SPTBN1: variants seen among roughly 807,000 people sequenced by gnomAD.
SPTBN1 encodes spectrin beta, non-erythrocytic 1, also known as spectrin beta chain, non-erythrocytic 1.
SPTBN1 carries 32 observed loss-of-function variants against 266.4 expected under a neutral mutation model. The ratio of observed to expected loss-of-function variants is 0.12; its 90% CI spans 0.09 to 0.16. The LOEUF is 0.16. SPTBN1 is among the 10% of genes least tolerant of loss of function. SPTBN1 has a pLI of 1.00. For missense variants in SPTBN1, 2,296 were observed against 3,067.1 expected (o/e 0.75, Z 5.94); for synonymous variants, 1,336 against 1,162.2 (o/e 1.15, Z -3.04).
At chr2:54,625,021 A>G in intron 11 of SPTBN1, 59 bp downstream of exon 11, 1 of 1,514,742 alleles carries the variant, frequency 6.6e-7, no homozygotes, top group Non-Finnish European at 8.8e-7. Context: ...AACACAGACC[A>G]TCCCCAGGGG....
At chr2:54,531,206 A>G (rs1382794631) in intron 2 of SPTBN1, among the ~76,000 whole-genome samples, 2 of 152,140 alleles carry the variant, frequency 1.3e-5, no homozygotes, top group Non-Finnish European at 2.9e-5. Context: ...GAACCCCTGA[A>G]TTTACAGCCT....
rs1168376491 is a variant in SPTBN1, at chr2:54,492,629, A to G, written c.-47-33743A>G. 5.3e-5 allele frequency among the ~76,000 whole-genome samples: 8 copies of G among 152,244 alleles called. No individual in the cohort carries two copies. The East Asian group carries it at 1.5e-3, about 29-fold the overall frequency. On this transcript the variant is annotated intron_variant, in intron 1 of 35. Coordinates refer to ENST00000356805, the MANE Select transcript of SPTBN1 (RefSeq NM_003128.3). ...TATATGGGGTTTGGTTTTTACTGAA[A>G]AGGTTTGCTTCTGGAACATTTATGT... is the stretch of plus-strand genomic sequence containing the variant.
At chr2:54,599,054 TGTG>T (rs1407579480) in intron 2 of SPTBN1, 35 bp from the exon 3 acceptor site, 1 of 1,608,100 alleles carries the variant, frequency 6.2e-7, no homozygotes. Flanking sequence ...CTGCCAGTTC[TGTG>T]GTCAATGGTA....
Position 54,671,009 on chromosome 2 carries a change from C to A in SPTBN1, c.*2440C>A, listed in dbSNP as rs1163095411. Reference sequence around the variant, plus strand: ...TGTTTTTTGAGGATTTTGCATATTTCTTGTTGCCATAATGCTGTGCTATTT... The same window carrying A: ...TGTTTTTTGAGGATTTTGCATATTTATTGTTGCCATAATGCTGTGCTATTT... On this transcript the variant is annotated 3_prime_UTR_variant, in exon 36 of 36. Coordinates refer to ENST00000356805, the MANE Select transcript of SPTBN1 (RefSeq NM_003128.3). 2.6e-6 allele frequency: 1 copy of A among 390,960 alleles called. No individual in the cohort carries two copies. The highest frequency in any genetic ancestry group is 2.1e-5 in the African/African-American group (1 of 47,232). The allele number at this position is 390,960 out of a possible 1,614,324, so 24.2% of individuals were successfully genotyped here.
At chr2:54,497,971 AAAC>A (rs1669055811) in intron 1 of SPTBN1, among the ~76,000 whole-genome samples, 1 of 152,184 alleles carries the variant, frequency 6.6e-6, no homozygotes, top group South Asian at 2.1e-4. Flanking sequence ...CAAAGGAAAA[AAAC>A]AAGCCCTCCA....
chr2:54,540,175 C>T lies in SPTBN1; in HGVS notation c.148+13609C>T, dbSNP rs1276745200. Among the ~76,000 whole-genome samples, 1 of 152,148 alleles carries T rather than the reference C, an allele frequency of 6.6e-6. No homozygotes were observed. The highest frequency in any genetic ancestry group is 1.5e-5 in the Non-Finnish European group (1 of 68,026). ...AATGGTTGTTGGTTAATCTCCCAGTCTGTGGTATTCTGTTTTAGCAGTCTG... is the reference window on the plus strand; with the variant it reads ...AATGGTTGTTGGTTAATCTCCCAGTTTGTGGTATTCTGTTTTAGCAGTCTG... On this transcript the variant is annotated intron_variant, in intron 2 of 35. Coordinates refer to ENST00000356805, the MANE Select transcript of SPTBN1 (RefSeq NM_003128.3). The surrounding 1 kb of genome is among the most constrained non-coding windows in gnomAD (Gnocchi z 5.6).
In SPTBN1 at chr2:54,631,012, G is replaced by A; in HGVS notation, c.2965G>A (p.Ala989Thr). ...CACCCAGGACCTGGGCAATGACCTG[G>A]CTGGCGTCATGGCCCTGCAGCGCAA... The part of the protein sequence containing the change: ...ESTQDLGNDL[A>T]GVMALQRKLT... Residue 989 changes from alanine to threonine, a missense_variant, in exon 16 of 36, where the codon GCT becomes ACT. Ala to Thr is a moderately conservative substitution (Grantham distance 58, BLOSUM62 0). Around this residue, in one of 12 missense-constraint regions of SPTBN1, gnomAD observed 128 missense variants for 176.5 expected, o/e 0.73. Transcript: ENST00000356805. 1 of 1,614,134 alleles carries A rather than the reference G, an allele frequency of 6.2e-7. No individual in the cohort carries two copies. Among genetic ancestry groups the A allele is most frequent in the Non-Finnish European group, 8.5e-7 (1 of 1,180,000 alleles).
Position 54,668,655 on chromosome 2 carries a change from T to A in SPTBN1, c.*86T>A. ...CTCAGAACCAACACATTACTCTCTGTGCCTAATGTTCCTCAATGTGGTTGA... is the reference window on the plus strand; with the variant it reads ...CTCAGAACCAACACATTACTCTCTGAGCCTAATGTTCCTCAATGTGGTTGA... On this transcript the variant is annotated 3_prime_UTR_variant, in exon 36 of 36. Transcript: ENST00000356805. The A allele has an allele frequency of 8.6e-7, 1 of 1,162,486 alleles. No homozygotes were observed. Among genetic ancestry groups the A allele is most frequent in the Non-Finnish European group, 1.2e-6 (1 of 845,708 alleles). The allele number at this position is 1,162,486 out of a possible 1,614,324, so 72.0% of individuals were successfully genotyped here.
Position 54,646,106 on chromosome 2 carries a change from C to T in SPTBN1, c.4585-88C>T. The T allele has an allele frequency of 6.2e-7, 1 of 1,603,940 alleles. No individual in the cohort carries two copies. Among genetic ancestry groups the T allele is most frequent in the South Asian group, 1.1e-5 (1 of 89,722 alleles). ...AATGGCAGAGAGCTTTGAAGCCTTGCTATTTCTTTCTGGCCCTAACAGCTT... is the reference window on the plus strand; with the variant it reads ...AATGGCAGAGAGCTTTGAAGCCTTGTTATTTCTTTCTGGCCCTAACAGCTT... On this transcript the variant is annotated intron_variant, in intron 22 of 35. Coordinates refer to ENST00000356805, the MANE Select transcript of SPTBN1 (RefSeq NM_003128.3). The surrounding 1 kb of genome is among the most constrained non-coding windows in gnomAD (Gnocchi z 4.4).
chr2:54,612,889 C>T lies in SPTBN1; in HGVS notation c.474+555C>T, dbSNP rs185738774. The stretch of plus-strand genomic sequence containing the variant: ...CTTGTGTTTCTTTGAATTGATGATG[C>T]TTTATGGGTTTTGTTATACTTGAGG... On this transcript the variant is annotated intron_variant, in intron 4 of 35. Coordinates refer to ENST00000356805, the MANE Select transcript of SPTBN1 (RefSeq NM_003128.3). Among the ~76,000 whole-genome samples the T allele has an allele frequency of 2.3e-3, 357 of 152,254 alleles. 4 individuals carry two copies. The highest frequency in any genetic ancestry group is 2.7e-3 in the Non-Finnish European group (184 of 68,026).
In SPTBN1 at chr2:54,616,085, T is replaced by C. The variant is rs1420814491; in HGVS notation, c.475-122T>C. 4.2e-6 allele frequency: 3 copies of C among 713,614 alleles called. No individual in the cohort carries two copies. In the East Asian group the frequency reaches 8.8e-5, roughly 21 times the overall value. The allele number at this position is 713,614 out of a possible 1,614,324, so 44.2% of individuals were successfully genotyped here. On this transcript the variant is annotated intron_variant, in intron 4 of 35. Coordinates refer to ENST00000356805, the MANE Select transcript of SPTBN1 (RefSeq NM_003128.3). ...AAGCAGTTTTCATTGACAGGGTAGA[T>C]CGTCTGCAGGGCAAGGCTATGATCT... is the stretch of plus-strand genomic sequence containing the variant.
intron 1 of SPTBN1, among the ~76,000 whole-genome samples, chr2:54,502,837 A>G (rs758096320): frequency 1.3e-5 from 2 of 152,180 alleles, no homozygotes; most frequent in African/African-American, 2.4e-5. Flanking sequence ...AGTGGTGAGC[A>G]GTCTGGTTGA....
chr2:54,604,406 C>T (rs947118368), intron 3 of SPTBN1, among the ~76,000 whole-genome samples: 3 of 151,904 alleles, frequency 2.0e-5, no homozygotes, highest in East Asian at 1.9e-4. Flanking sequence ...AAAACCTTTG[C>T]GGTTGTAATT....
chr2:54,503,572 G>A (rs549644921), intron 1 of SPTBN1, among the ~76,000 whole-genome samples: 2 of 152,334 alleles, frequency 1.3e-5, no homozygotes, highest in South Asian at 4.1e-4. Context: ...GCATGAAAGC[G>A]ACCATCCTTG....
intron 29 of SPTBN1, 66 bp from the exon 30 acceptor site, chr2:54,657,784 G>GCT: frequency 6.3e-7 from 1 of 1,598,696 alleles, no homozygotes. Context: ...AGTGCCAAGA[G>GCT]GTAAGGCCAT....
intron 26 of SPTBN1, among the ~76,000 whole-genome samples, chr2:54,650,784 C>T (rs945246063): frequency 3.9e-5 from 6 of 152,336 alleles, no homozygotes; most frequent in South Asian, 2.1e-4. Flanking sequence ...CAGCCATAGA[C>T]AGTGAGAAGA....
At chr2:54,506,091 T>G (rs2104164779) in intron 1 of SPTBN1, among the ~76,000 whole-genome samples, 1 of 151,982 alleles carries the variant, frequency 6.6e-6, no homozygotes, top group South Asian at 2.1e-4. Context: ...GCCACTGCAC[T>G]CCAGCCTGGG....
chr2:54,518,080 G>A (rs995503047), intron 1 of SPTBN1, among the ~76,000 whole-genome samples: 1 of 151,876 alleles, frequency 6.6e-6, no homozygotes, highest in South Asian at 2.1e-4. Context: ...TTATCATGCC[G>A]TGACTTTTCA....
chr2:54,509,398 G>C (rs1236706984), intron 1 of SPTBN1, among the ~76,000 whole-genome samples: 1 of 152,190 alleles, frequency 6.6e-6, no homozygotes, highest in Non-Finnish European at 1.5e-5. Flanking sequence ...GTGTGAGGAA[G>C]AAAATAGATT....
Sources: allele counts gnomAD v4.1 joint callset (sites outside exome capture counted in the v4.1 genomes callset), GRCh38; gene constraint gnomAD v4.1.1; regional missense constraint gnomAD v4.1.1; non-coding constraint Gnocchi (gnomAD v3.1); transcripts MANE v1.5; gene names NCBI Gene and HGNC (gene_info 2026-07-23, HGNC 2026-07-21).